USP6: variants seen among roughly 807,000 people sequenced by gnomAD.
USP6 encodes ubiquitin specific peptidase 6, also known as ubiquitin carboxyl-terminal hydrolase 6.
USP6 carries 128 observed loss-of-function variants against 175.7 expected under a neutral mutation model. The ratio of observed to expected loss-of-function variants is 0.73; its 90% CI spans 0.63 to 0.84. The LOEUF is 0.84. Ranked by LOEUF, USP6 falls within the 40% of genes least tolerant of loss-of-function variation. The pLI is 0.00. For missense variants in USP6, 1,498 were observed against 1,760.3 expected (o/e 0.85, Z 2.67); for synonymous variants, 562 against 630.6 (o/e 0.89, Z 1.63).
intron 27 of USP6, 29 bp from the exon 28 acceptor site, chr17:5,145,994 A>G: frequency 6.4e-7 from 1 of 1,555,712 alleles, no homozygotes; most frequent in South Asian, 1.2e-5. Flanking sequence ...CCTGCATTTT[A>G]CTGATAAAAG....
Position 5,139,438 on chromosome 17 carries a change from G to A in USP6, c.1262G>A (p.Arg421Gln), listed in dbSNP as rs776439927. 16 of 1,612,972 alleles carry A rather than the reference G, an allele frequency of 9.9e-6. No individual in the cohort carries two copies. The highest frequency in any genetic ancestry group is 5.0e-5 in the Admixed American group (3 of 60,014). The change falls in exon 22 of 38, where the codon CGG (arginine) becomes CAG (glutamine). Residue 421 changes from arginine (R) to glutamine (Q), a missense_variant. By Grantham distance (43) the Arg-to-Gln change is conservative. Coordinates refer to ENST00000574788, the MANE Select transcript of USP6 (RefSeq NM_001304284.2). ...FSTPCPGGAV[R>Q]EDTYPVGTQG... is the part of the protein sequence containing the mutation. ...ACGCCCTGTCCTGGTGGGGCTGTCC[G>A]GGAAGACACGTACCCTGTGGGCACT...
In USP6 at chr17:5,171,584, C is replaced by G; in HGVS notation, c.3955-3C>G. The G allele has an allele frequency of 6.2e-7, 1 of 1,613,634 alleles. No individual in the cohort carries two copies. Among genetic ancestry groups the G allele is most frequent in the Non-Finnish European group, 8.5e-7 (1 of 1,179,692 alleles). ...CATACCTCCACTCTCTTATCTCTTA[C>G]AGTGCCATTCAGGAATTCTGAGTGG... On this transcript the variant is annotated splice_polypyrimidine_tract_variant and splice_region_variant and intron_variant, in intron 36 of 37. Coordinates refer to ENST00000574788, the MANE Select transcript of USP6 (RefSeq NM_001304284.2).
chr17:5,119,589 G>T (rs1319828524), intron 2 of USP6, among the ~76,000 whole-genome samples: 2 of 152,276 alleles, frequency 1.3e-5, no homozygotes, highest in East Asian at 3.9e-4. Context: ...GACCCTCAGA[G>T]GACCCTGGGT....
rs555598956 is a variant in USP6 at position 5,167,542 on chromosome 17, C to T, written c.3037-390C>T. ...TTTCCCTTTTTTTGAGACAAGGTCT[C>T]TCTCTGTCATCCGGGCTGGAGTGCA... On this transcript the variant is annotated intron_variant, in intron 33 of 37. Coordinates refer to ENST00000574788, the MANE Select transcript of USP6 (RefSeq NM_001304284.2). Among the ~76,000 whole-genome samples the T allele has an allele frequency of 4.6e-5, 7 of 152,236 alleles. No homozygotes were observed. In the South Asian group the frequency reaches 1.2e-3, roughly 27 times the overall value.
chr17:5,116,911 G>T (rs531247039), intron 1 of USP6, among the ~76,000 whole-genome samples, 171 bp downstream of exon 1: 1 of 152,362 alleles, frequency 6.6e-6, no homozygotes, highest in South Asian at 2.1e-4. Flanking sequence ...TACGGAGGGA[G>T]CAATCTTCAC....
intron 30 of USP6, among the ~76,000 whole-genome samples, chr17:5,152,278 T>A (rs1285610668): frequency 6.7e-6 from 1 of 148,724 alleles, no homozygotes; most frequent in Non-Finnish European, 1.5e-5. Flanking sequence ...ACACTAGTAA[T>A]CAGTGAAATG....
chr17:5,159,102 G>C (rs772950691), intron 31 of USP6, among the ~76,000 whole-genome samples: 1 of 152,110 alleles, frequency 6.6e-6, no homozygotes, highest in African/African-American at 2.4e-5. Context: ...TGGAATTAAG[G>C]GTCTATGTAG....
intron 18 of USP6, 126 bp from the exon 19 acceptor site, chr17:5,136,995 G>A: frequency 8.3e-7 from 1 of 1,203,420 alleles, no homozygotes. Context: ...GAAGGGGACA[G>A]TGTTGTGGGG....
chr17:5,119,349 T>G (rs1474038343), intron 2 of USP6, among the ~76,000 whole-genome samples: 2 of 152,242 alleles, frequency 1.3e-5, no homozygotes, highest in East Asian at 3.8e-4. Flanking sequence ...CATTACTACA[T>G]TAGCTTCTGC....
chr17:5,164,163 A>C (rs1465082554), intron 33 of USP6, among the ~76,000 whole-genome samples: 1 of 152,152 alleles, frequency 6.6e-6, no homozygotes, highest in Admixed American at 6.5e-5. Flanking sequence ...CTAGTTTTTA[A>C]AGCATTCCCT....
intron 30 of USP6, among the ~76,000 whole-genome samples, chr17:5,151,604 A>G (rs543029535): frequency 3.3e-5 from 5 of 152,348 alleles, no homozygotes; most frequent in South Asian, 4.1e-4. Flanking sequence ...TTTATTTCAC[A>G]AAGATATGAT....
chr17:5,132,241 C>G lies in USP6; in HGVS notation c.156-155C>G. 6.3e-7 allele frequency: 1 copy of G among 1,590,570 alleles called. No individual in the cohort carries two copies. Among genetic ancestry groups the G allele is most frequent in the Non-Finnish European group, 8.6e-7 (1 of 1,167,306 alleles). On this transcript the variant is annotated intron_variant, in intron 11 of 37. Coordinates refer to ENST00000574788, the MANE Select transcript of USP6 (RefSeq NM_001304284.2). The surrounding 1 kb of genome is among the most constrained non-coding windows in gnomAD (Gnocchi z 4.7). Reference sequence around the variant, plus strand: ...CTGCCCCTCCTGGGAGTCAGAGCCACAGGAAGGCCCTTGTCCTCCCTTCCC... The same window carrying G: ...CTGCCCCTCCTGGGAGTCAGAGCCAGAGGAAGGCCCTTGTCCTCCCTTCCC...
chr17:5,127,879 G>A lies in USP6; in HGVS notation c.-338+240G>A, dbSNP rs190029306. The stretch of plus-strand genomic sequence containing the variant: ...TTTAGGGAATGATGACAAGAACAAC[G>A]TCTGCACATGTTCAGTAGAGACAAC... On this transcript the variant is annotated intron_variant, in intron 7 of 37. Coordinates refer to ENST00000574788, the MANE Select transcript of USP6 (RefSeq NM_001304284.2). Among the ~76,000 whole-genome samples, 356 of 152,314 alleles carry A rather than the reference G, an allele frequency of 2.3e-3. 2 individuals carry two copies. The highest frequency in any genetic ancestry group is 3.4e-3 in the Non-Finnish European group (233 of 68,036).
intron 31 of USP6, 126 bp downstream of exon 31, chr17:5,155,732 T>A: frequency 1.3e-6 from 1 of 774,936 alleles, no homozygotes; most frequent in Non-Finnish European, 1.8e-6. Context: ...ATAAGTTATT[T>A]AAATAATTAT....
chr17:5,171,964 C>G (rs1027377616), intron 37 of USP6, among the ~76,000 whole-genome samples: 1 of 150,982 alleles, frequency 6.6e-6, no homozygotes, highest in African/African-American at 2.4e-5. Flanking sequence ...CACTTGATGT[C>G]AGGAGTTCGA....
intron 29 of USP6, 59 bp downstream of exon 29, chr17:5,147,253 T>C: frequency 6.7e-7 from 1 of 1,494,970 alleles, no homozygotes; most frequent in Non-Finnish European, 9.1e-7. Flanking sequence ...GTCTAAGAGT[T>C]GTCATCTTTT....
At chr17:5,130,476 C>G (rs764915244) in intron 10 of USP6, 37 bp downstream of exon 10, 1 of 1,613,122 alleles carries the variant, frequency 6.2e-7, no homozygotes, top group African/African-American at 1.3e-5. Flanking sequence ...GAGGCCTCTT[C>G]CAGTGCGCCC....
At chr17:5,145,015 T>C (rs551804974) in intron 26 of USP6, 152 bp downstream of exon 26, 136 of 1,268,560 alleles carry the variant, frequency 1.1e-4, no homozygotes, top group Admixed American at 1.6e-4. Flanking sequence ...TTAATTGTTA[T>C]GTGATAATGC....
chr17:5,141,131 G>C (rs1385266973), intron 22 of USP6, among the ~76,000 whole-genome samples: 1 of 152,042 alleles, frequency 6.6e-6, no homozygotes, highest in Admixed American at 6.6e-5. Flanking sequence ...TGCCTACAGT[G>C]TTCAATACAG....
Sources: gnomAD v4.1 joint callset for allele counts (sites outside exome capture counted in the v4.1 genomes callset) on GRCh38, gnomAD v4.1.1 for gene constraint, Gnocchi (gnomAD v3.1) non-coding constraint, MANE v1.5 for transcripts, NCBI Gene and HGNC (gene_info 2026-07-23, HGNC 2026-07-21) for gene names.